Variants in SNX30 observed in about 807,000 individuals in gnomAD.
SNX30 encodes sorting nexin family member 30.
Under a neutral mutation model 46.4 loss-of-function variants are expected in SNX30, and 24 were observed. That is an observed-to-expected ratio of 0.52 (90% CI 0.37 to 0.73). The LOEUF (loss-of-function observed/expected upper bound fraction) is 0.73, where lower values mean the gene tolerates loss of function less well. Among genes scored for constraint, SNX30 ranks in the 30% least tolerant of loss-of-function variants. SNX30 has a pLI of 0.00. For synonymous variants in SNX30, 189 were observed against 211.5 expected, an observed-to-expected ratio of 0.89 and a Z score of 0.92; for missense variants, 533 against 555.7, an observed-to-expected ratio of 0.96 and a Z score of 0.41.
intron 1 of SNX30, among the ~76,000 whole-genome samples, chr9:112,788,535 G>A (rs1443528301): frequency 6.6e-6 from 1 of 152,130 alleles, no homozygotes; most frequent in Non-Finnish European, 1.5e-5. Flanking sequence ...AGGAACGCCT[G>A]GATTGTGGTG....
Position 112,838,402 on chromosome 9 carries a change from T to A in SNX30, c.815-96T>A. ...AGTGAATGGCCAAAGAAACACATGTTCATGTAGAGAGCTCTTGGCTGTGGT... is the reference window on the plus strand; with the variant it reads ...AGTGAATGGCCAAAGAAACACATGTACATGTAGAGAGCTCTTGGCTGTGGT... On this transcript the variant is annotated intron_variant, in intron 5 of 8. Transcript: ENST00000374232. The A allele has an allele frequency of 4.0e-6, 4 of 1,004,132 alleles. No individual in the cohort carries two copies. In the South Asian group the frequency reaches 4.8e-5, roughly 12 times the overall value. 62.2% of individuals were successfully genotyped at this position (1,004,132 alleles called of 1,614,324 possible).
At chr9:112,885,224 C>T (rs993892580), downstream of SNX30, 25 of 152,162 alleles carry the variant, frequency 1.6e-4, no homozygotes, top group Admixed American at 4.6e-4. Context: ...TCCATTCAGG[C>T]CGAGATTTGT....
At chr9:112,849,314 C>A (rs1187647454) in intron 6 of SNX30, among the ~76,000 whole-genome samples, 1 of 152,148 alleles carries the variant, frequency 6.6e-6, no homozygotes, top group East Asian at 1.9e-4. Flanking sequence ...AGCCACTAGC[C>A]ATATGTGGCT....
intron 1 of SNX30, among the ~76,000 whole-genome samples, chr9:112,777,314 A>G (rs1839762035): frequency 6.6e-6 from 1 of 152,062 alleles, no homozygotes; most frequent in South Asian, 2.1e-4. Context: ...GCCCGTCACC[A>G]TTGTGGACTC....
chr9:112,844,215 G>C (rs928474100), intron 6 of SNX30, among the ~76,000 whole-genome samples: 2 of 152,172 alleles, frequency 1.3e-5, no homozygotes, highest in Admixed American at 1.3e-4. Flanking sequence ...AAAGGAATTG[G>C]GGTTTTTGGC....
At chr9:112,749,849 G>A (rs1041534137), upstream of SNX30, among the ~76,000 whole-genome samples, 1 of 152,142 alleles carries the variant, frequency 6.6e-6, no homozygotes, top group Non-Finnish European at 1.5e-5. Flanking sequence ...CTCACGATGA[G>A]CCTCCCTACC....
intron 1 of SNX30, among the ~76,000 whole-genome samples, chr9:112,773,411 A>T (rs1839685013): frequency 6.6e-6 from 1 of 151,410 alleles, no homozygotes; most frequent in Non-Finnish European, 1.5e-5. Flanking sequence ...TTTTTAAGAG[A>T]TAGGATCTCG....
intron 7 of SNX30, among the ~76,000 whole-genome samples, chr9:112,862,977 A>G (rs1841261380): frequency 3.9e-5 from 6 of 152,022 alleles, no homozygotes; most frequent in Non-Finnish European, 8.8e-5. Flanking sequence ...CTCTCTCTCC[A>G]GCTCATCCTG....
chr9:112,867,867 C>T (rs1199376636), intron 8 of SNX30, among the ~76,000 whole-genome samples: 1 of 152,188 alleles, frequency 6.6e-6, no homozygotes, highest in East Asian at 1.9e-4. Context: ...AGTCCTCCTC[C>T]ACCCCTGGGG....
In SNX30 at chr9:112,750,896, C is replaced by T. The variant is rs1315535805; in HGVS notation, c.-106C>T. The T allele has an allele frequency of 4.7e-6, 5 of 1,066,142 alleles. No individual in the cohort carries two copies. Among genetic ancestry groups the T allele is most frequent in the African/African-American group, 1.7e-5 (1 of 59,328 alleles). The allele number at this position is 1,066,142 out of a possible 1,614,324, so 66.0% of individuals were successfully genotyped here. On this transcript the variant is annotated 5_prime_UTR_variant, in exon 1 of 9. Coordinates refer to ENST00000374232, the MANE Select transcript of SNX30 (RefSeq NM_001012994.2). Reference sequence around the variant, plus strand: ...CCCCAGCACGGCCGGTGCAAGGCCTCGGGTTAAGCGGCGGCCGAGCGGGGC... The same window carrying T: ...CCCCAGCACGGCCGGTGCAAGGCCTTGGGTTAAGCGGCGGCCGAGCGGGGC...
chr9:112,806,277 A>G (rs1260104537), intron 2 of SNX30, among the ~76,000 whole-genome samples: 1 of 152,166 alleles, frequency 6.6e-6, no homozygotes, highest in African/African-American at 2.4e-5. Flanking sequence ...ACATATTTAG[A>G]GGAAGAATGA....
intron 1 of SNX30, among the ~76,000 whole-genome samples, chr9:112,804,221 A>G (rs1194137084): frequency 5.9e-5 from 9 of 151,818 alleles, no homozygotes; most frequent in Non-Finnish European, 1.2e-4. Context: ...TTGGAGTGCA[A>G]TGGCGCAGTC....
intron 7 of SNX30, among the ~76,000 whole-genome samples, chr9:112,857,024 C>T (rs1422546892): frequency 6.6e-6 from 1 of 152,208 alleles, no homozygotes; most frequent in Non-Finnish European, 1.5e-5. Context: ...GCATCTGGCT[C>T]CAAAACTGGT....
intron 6 of SNX30, 126 bp downstream of exon 6, chr9:112,838,823 C>A: frequency 1.3e-6 from 1 of 792,876 alleles, no homozygotes; most frequent in Non-Finnish European, 2.0e-6. Flanking sequence ...CAGGATCAGA[C>A]ACGTGGACTG....
intron 1 of SNX30, among the ~76,000 whole-genome samples, chr9:112,761,832 C>T (rs917266772): frequency 1.3e-5 from 2 of 151,996 alleles, no homozygotes; most frequent in African/African-American, 4.8e-5. Flanking sequence ...AATGCTGCCT[C>T]CAGGAAGCTC....
At chr9:112,848,444 TG>T (rs1840972860) in intron 6 of SNX30, among the ~76,000 whole-genome samples, 1 of 152,126 alleles carries the variant, frequency 6.6e-6, no homozygotes, top group Non-Finnish European at 1.5e-5. Flanking sequence ...ACCTTCAGCG[TG>T]GTTGGATTTT....
At chr9:112,867,971 A>C (rs1190999793) in intron 8 of SNX30, among the ~76,000 whole-genome samples, 1 of 152,246 alleles carries the variant, frequency 6.6e-6, no homozygotes. Flanking sequence ...GGACAATGCC[A>C]GAGTGTTCTG....
At chr9:112,850,749 GGGGTA>G in intron 6 of SNX30, 105 bp from the exon 7 acceptor site, 1 of 724,330 alleles carries the variant, frequency 1.4e-6, no homozygotes, top group Non-Finnish European at 2.4e-6. Context: ...GGCTGGGCCT[GGGGTA>G]GGCCTTGATT....
chr9:112,773,769 C>T (rs1211064012), intron 1 of SNX30, among the ~76,000 whole-genome samples: 1 of 152,156 alleles, frequency 6.6e-6, no homozygotes, highest in Non-Finnish European at 1.5e-5. Context: ...TAAATTATGA[C>T]TTCAAGGCCA....
Sources: allele counts gnomAD v4.1 joint callset (sites outside exome capture counted in the v4.1 genomes callset), GRCh38; gene constraint gnomAD v4.1.1; transcripts MANE v1.5; gene names NCBI Gene and HGNC (gene_info 2026-07-23, HGNC 2026-07-21).